EVI5: variants seen among roughly 807,000 people sequenced by gnomAD.
The protein encoded by EVI5 is ecotropic viral integration site 5 protein homolog.
In EVI5, 73 loss-of-function variants were observed where a neutral mutation model predicts 112.0. That is an observed-to-expected ratio of 0.65 (90% confidence interval 0.54 to 0.79). The LOEUF is 0.79. EVI5 is among the 30% of genes least tolerant of loss of function. The pLI, the probability that EVI5 is intolerant of heterozygous loss-of-function variation, is 0.00. For synonymous variants in EVI5, 305 were observed against 319.9 expected, an observed-to-expected ratio of 0.95 and a Z score of 0.50; for missense variants, 900 against 968.8, an observed-to-expected ratio of 0.93 and a Z score of 0.94.
chr1:92,606,782 T>C (rs1158511733), intron 17 of EVI5, among the ~76,000 whole-genome samples: 2 of 152,122 alleles, frequency 1.3e-5, no homozygotes, highest in African/African-American at 4.8e-5. Context: ...ATTCCTACTA[T>C]CTCACCATGG....
chr1:92,603,698 A>G (rs554356912), intron 18 of EVI5, among the ~76,000 whole-genome samples: 99 of 151,390 alleles, frequency 6.5e-4, no homozygotes, highest in African/African-American at 2.2e-3. Flanking sequence ...TCTTTATTCT[A>G]TAAGCTTTTT....
At position 92,590,092 on chromosome 1, in the gene EVI5, A is replaced by G. The variant is rs1184848937; in HGVS notation, c.2070+15215T>C. Among the ~76,000 whole-genome samples the G allele has an allele frequency of 2.2e-4, 33 of 152,232 alleles. 1 individual carries two copies. The highest frequency in any genetic ancestry group is 2.2e-3 in the Admixed American group (33 of 15,272). On this transcript the variant is annotated intron_variant, in intron 18 of 19. Transcript: ENST00000684568. Reference sequence around the variant, plus strand: ...AGGAAAACTAACAAACAGAAAGGACATCCACACCAAAACCCCATCTGTACG... The same window carrying G: ...AGGAAAACTAACAAACAGAAAGGACGTCCACACCAAAACCCCATCTGTACG...
chr1:92,704,792 T>A (rs1408117231), intron 2 of EVI5, 48 bp from the exon 3 acceptor site: 1 of 860,504 alleles, frequency 1.2e-6, no homozygotes, highest in East Asian at 2.7e-5. Flanking sequence ...ACAGTGATAT[T>A]AGAAGAGGCA....
intron 18 of EVI5, among the ~76,000 whole-genome samples, chr1:92,602,505 G>A (rs1015577056): frequency 3.9e-5 from 6 of 152,050 alleles, no homozygotes; most frequent in East Asian, 1.9e-4. Context: ...GGCCTCAAGG[G>A]ATCATTCCAC....
At chr1:92,598,876 CAG>C (rs895600424) in intron 18 of EVI5, among the ~76,000 whole-genome samples, 16 of 152,028 alleles carry the variant, frequency 1.1e-4, no homozygotes, top group Admixed American at 3.3e-4. Flanking sequence ...AATACAAAGA[CAG>C]GGTGGTGGAG....
In EVI5 at chr1:92,572,592, T is replaced by A. The variant is rs185831793; in HGVS notation, c.2071-8855A>T. 1.6e-3 allele frequency among the ~76,000 whole-genome samples: 241 copies of A among 152,144 alleles called. 1 individual carries two copies. Among genetic ancestry groups the A allele is most frequent in the African/African-American group, 5.1e-3 (213 of 41,536 alleles). ...TATCCCTTTAATATTTTACAGTAGG[T>A]TTTGTGATTATTACTTCAAGATCTA... is the stretch of plus-strand genomic sequence containing the variant. On this transcript the variant is annotated intron_variant, in intron 18 of 19. Transcript: ENST00000684568.
chr1:92,527,858 A>G (rs745608877), intron 19 of EVI5, among the ~76,000 whole-genome samples: 15 of 152,146 alleles, frequency 9.9e-5, no homozygotes, highest in Admixed American at 2.0e-4. Flanking sequence ...TTACATCATA[A>G]TTTATCCTTT....
chr1:92,569,908 A>G (rs530509217), intron 18 of EVI5, among the ~76,000 whole-genome samples: 3 of 152,002 alleles, frequency 2.0e-5, no homozygotes, highest in South Asian at 4.2e-4. Flanking sequence ...AATAAGAACA[A>G]AAGAGTAATA....
intron 18 of EVI5, among the ~76,000 whole-genome samples, chr1:92,576,935 G>C (rs1268434130): frequency 6.6e-6 from 1 of 152,102 alleles, no homozygotes; most frequent in East Asian, 1.9e-4. Context: ...CAGAAACCTG[G>C]AATTCCCTTT....
At chr1:92,727,945 G>GATT (rs780087425) in intron 2 of EVI5, among the ~76,000 whole-genome samples, 19 of 151,056 alleles carry the variant, frequency 1.3e-4, no homozygotes, top group Non-Finnish European at 1.8e-4. Flanking sequence ...AGTGAGCCAT[G>GATT]ATCATACCAT....
intron 18 of EVI5, among the ~76,000 whole-genome samples, chr1:92,585,172 G>A (rs998637061): frequency 4.7e-5 from 7 of 150,246 alleles, no homozygotes; most frequent in Admixed American, 6.7e-5. Flanking sequence ...GCAGTGAGCC[G>A]AGATTGCACC....
chr1:92,601,886 G>A (rs888982009), intron 18 of EVI5, among the ~76,000 whole-genome samples: 1 of 152,158 alleles, frequency 6.6e-6, no homozygotes, highest in Non-Finnish European at 1.5e-5. Context: ...TTGTGATTAA[G>A]ATGTATAGAA....
intron 18 of EVI5, among the ~76,000 whole-genome samples, chr1:92,600,318 A>G (rs970388307): frequency 7.2e-5 from 11 of 152,188 alleles, no homozygotes; most frequent in Admixed American, 3.3e-4. Context: ...GTGACTGAAT[A>G]GACTTCTTGA....
At chr1:92,741,963 A>C (rs1197301170) in intron 1 of EVI5, among the ~76,000 whole-genome samples, 1 of 152,208 alleles carries the variant, frequency 6.6e-6, no homozygotes, top group African/African-American at 2.4e-5. Context: ...AGGAAAAAAA[A>C]GATAAATTGG....
intron 19 of EVI5, among the ~76,000 whole-genome samples, chr1:92,550,959 T>TA (rs994401872): frequency 9.3e-5 from 13 of 140,432 alleles, no homozygotes; most frequent in Non-Finnish European, 1.5e-4. Flanking sequence ...AAAAATAAAA[T>TA]AAAAAAAACC....
chr1:92,754,820 G>A (rs866297940), intron 1 of EVI5, among the ~76,000 whole-genome samples: 11 of 152,250 alleles, frequency 7.2e-5, no homozygotes, highest in South Asian at 6.2e-4. Context: ...GGAAGAAAGC[G>A]CATAACAGCA....
chr1:92,614,311 G>T (rs918504863), intron 16 of EVI5, among the ~76,000 whole-genome samples: 5 of 152,118 alleles, frequency 3.3e-5, no homozygotes, highest in Non-Finnish European at 7.3e-5. Context: ...ATAGGAAAAG[G>T]CAAGGAAAAA....
intron 18 of EVI5, among the ~76,000 whole-genome samples, chr1:92,573,978 G>A (rs1182064787): frequency 6.6e-6 from 1 of 151,958 alleles, no homozygotes; most frequent in Non-Finnish European, 1.5e-5. Flanking sequence ...AGAGACCATG[G>A]CAATAAATAT....
intron 9 of EVI5, among the ~76,000 whole-genome samples, chr1:92,680,107 C>T (rs938601820): frequency 7.9e-5 from 12 of 152,186 alleles, no homozygotes; most frequent in Non-Finnish European, 1.8e-4. Context: ...TTTCTATACA[C>T]TATTAACAGA....
Sources: gnomAD v4.1 joint callset for allele counts (sites outside exome capture counted in the v4.1 genomes callset) on GRCh38, gnomAD v4.1.1 for gene constraint, MANE v1.5 for transcripts, NCBI Gene and HGNC (gene_info 2026-07-23, HGNC 2026-07-21) for gene names.